The following RAB27A variants were observed in gnomAD, a reference collection of about 807,000 sequenced individuals.
RAB27A encodes the protein ras-related protein Rab-27A.
RAB27A carries 17 observed loss-of-function variants against 20.8 expected under a neutral mutation model. The ratio of observed to expected loss-of-function variants is 0.82; its 90% CI spans 0.56 to 1.23. The LOEUF (loss-of-function observed/expected upper bound fraction) is 1.23, where lower values mean the gene tolerates loss of function less well. RAB27A is among the 50% of genes most tolerant of loss of function. The pLI is 0.00. For missense variants in RAB27A, 277 were observed against 266.7 expected (o/e 1.04, Z -0.27); for synonymous variants, 85 against 92.8 (o/e 0.92, Z 0.48).
upstream of RAB27A, among the ~76,000 whole-genome samples, chr15:55,291,823 G>A (rs111850237): frequency 5.9e-3 from 902 of 152,182 alleles, 8 homozygotes; most frequent in African/African-American, 0.021. Context: ...AAGGTAAACT[G>A]GTCCCTGACG....
At chr15:55,217,958 A>G (rs1203294263) in intron 6 of RAB27A, among the ~76,000 whole-genome samples, 1 of 152,236 alleles carries the variant, frequency 6.6e-6, no homozygotes, top group Non-Finnish European at 1.5e-5. Flanking sequence ...ACAGATTCAA[A>G]TCAATGAGAG....
chr15:55,304,554 C>A (rs966433675), intron 2 of RAB27A, among the ~76,000 whole-genome samples: 1 of 152,112 alleles, frequency 6.6e-6, no homozygotes, highest in South Asian at 2.1e-4. Context: ...AGCCACTAAT[C>A]TACTTTCTGT....
chr15:55,216,343 G>A (rs1895302191), intron 6 of RAB27A, among the ~76,000 whole-genome samples: 1 of 152,106 alleles, frequency 6.6e-6, no homozygotes, highest in South Asian at 2.1e-4. Flanking sequence ...GATCAGCCTG[G>A]CCAACATGGT....
upstream of RAB27A, chr15:55,290,470 G>A (rs995952821): frequency 1.3e-5 from 2 of 152,278 alleles, no homozygotes; most frequent in African/African-American, 2.4e-5. Flanking sequence ...GGGAGGAAAT[G>A]GCAAACGGAG....
chr15:55,234,813 G>C lies in RAB27A; in HGVS notation c.122C>G (p.Thr41Arg). ...TTTTTCCCTGAAATCAATGCCCACT[G>C]TTGTGATAAATTTGGAGTTAAATTT... ...DGKFNSKFIT[T>R]VGIDFREKRV... The change falls in exon 3 of 7, where the codon ACA becomes AGA. Residue 41 changes from threonine (T) to arginine (R), a missense_variant. Transcript: ENST00000336787. The C allele has an allele frequency of 6.2e-7, 1 of 1,611,802 alleles. No homozygotes were observed. Among genetic ancestry groups the C allele is most frequent in the Non-Finnish European group, 8.5e-7 (1 of 1,178,220 alleles).
intron 2 of RAB27A, among the ~76,000 whole-genome samples, chr15:55,304,982 C>G (rs933836328): frequency 6.6e-6 from 1 of 152,132 alleles, no homozygotes; most frequent in African/African-American, 2.4e-5. Context: ...GAGTTTATAT[C>G]CCAATCATTG....
At chr15:55,310,435 C>G (rs1042569715) in intron 2 of RAB27A, among the ~76,000 whole-genome samples, 2 of 152,172 alleles carry the variant, frequency 1.3e-5, no homozygotes, top group Non-Finnish European at 2.9e-5. Context: ...ACTCAGAGGA[C>G]CTTCATCCCC....
chr15:55,302,683 G>A (rs1002049356), intron 2 of RAB27A, among the ~76,000 whole-genome samples: 4 of 114,728 alleles, frequency 3.5e-5, no homozygotes, highest in East Asian at 3.2e-4. Context: ...GTCTCTGCCC[G>A]GCCGCCCATC....
At chr15:55,301,453 A>G (rs1378749170) in intron 2 of RAB27A, among the ~76,000 whole-genome samples, 1 of 143,516 alleles carries the variant, frequency 7.0e-6, no homozygotes, top group Non-Finnish European at 1.5e-5. Context: ...CACACACAAT[A>G]AAGTTCACCC....
intron 6 of RAB27A, 105 bp from the exon 7 acceptor site, chr15:55,205,810 G>T: frequency 9.3e-7 from 1 of 1,079,888 alleles, no homozygotes; most frequent in Non-Finnish European, 1.4e-6. Flanking sequence ...AAATATACAA[G>T]ATGACAAACA....
At chr15:55,228,150 C>T (rs976718100) in intron 5 of RAB27A, among the ~76,000 whole-genome samples, 2 of 152,162 alleles carry the variant, frequency 1.3e-5, no homozygotes, top group Non-Finnish European at 2.9e-5. Context: ...ACTCTAAGCA[C>T]AGAAAAGACA....
intron 1 of RAB27A, chr15:55,317,828 T>C (rs1420912596): frequency 5.0e-6 from 2 of 397,154 alleles, no homozygotes; most frequent in Non-Finnish European, 8.9e-6. Flanking sequence ...AAAGCTGGTT[T>C]TGGAAAGTCA....
intron 2 of RAB27A, among the ~76,000 whole-genome samples, chr15:55,252,667 G>A (rs1896932706): frequency 6.6e-6 from 1 of 151,474 alleles, no homozygotes; most frequent in Admixed American, 6.6e-5. Flanking sequence ...GCTATTGATT[G>A]ATAGACAGAC....
At chr15:55,291,510 CAAAAAAAAAAAAAAAAAAA>C (rs530643102), upstream of RAB27A, among the ~76,000 whole-genome samples, 21 of 69,026 alleles carry the variant, frequency 3.0e-4, no homozygotes, top group East Asian at 1.2e-3. Context: ...GACTCTGTTT[CAAAAAAAAAAAAAAAAAAA>C]AAAAAAAAAA....
At chr15:55,206,403 G>T in intron 6 of RAB27A, 1 of 239,938 alleles carries the variant, frequency 4.2e-6, no homozygotes, top group Non-Finnish European at 6.7e-6. Context: ...AGGCTGGAGT[G>T]CAGTGGCACG....
intron 2 of RAB27A, among the ~76,000 whole-genome samples, chr15:55,312,628 T>G (rs1014725347): frequency 1.3e-5 from 2 of 152,090 alleles, no homozygotes; most frequent in South Asian, 4.1e-4. Flanking sequence ...GGTTTTGTTT[T>G]CAACGAATGC....
At chr15:55,220,885 A>T (rs1202537961) in intron 6 of RAB27A, among the ~76,000 whole-genome samples, 1 of 152,176 alleles carries the variant, frequency 6.6e-6, no homozygotes, top group East Asian at 1.9e-4. Flanking sequence ...ACCAAACTAC[A>T]TGGTATGCTT....
At chr15:55,258,327 T>G (rs1897157065) in intron 2 of RAB27A, among the ~76,000 whole-genome samples, 1 of 152,206 alleles carries the variant, frequency 6.6e-6, no homozygotes, top group Non-Finnish European at 1.5e-5. Flanking sequence ...TGTCTCCTAA[T>G]GCACACCAGC....
At chr15:55,276,701 T>C (rs903367022) in intron 1 of RAB27A, among the ~76,000 whole-genome samples, 2 of 152,202 alleles carry the variant, frequency 1.3e-5, no homozygotes, top group African/African-American at 2.4e-5. Flanking sequence ...GTTTCAGTTA[T>C]GCAAAATAAA....
Sources: allele counts gnomAD v4.1 joint callset (sites outside exome capture counted in the v4.1 genomes callset), GRCh38; gene constraint gnomAD v4.1.1; transcripts MANE v1.5; gene names NCBI Gene and HGNC (gene_info 2026-07-23, HGNC 2026-07-21).